Variants in DOCK8 observed in about 807,000 individuals in gnomAD.
The protein encoded by DOCK8 is dedicator of cytokinesis 8.
A neutral mutation model predicts 245.6 loss-of-function variants in DOCK8; 141 were observed. That is an observed-to-expected ratio of 0.57 (90% CI 0.50 to 0.66). The LOEUF is 0.66. DOCK8 is among the 30% of genes least tolerant of loss of function. The pLI, the probability that DOCK8 is intolerant of heterozygous loss-of-function variation, is 0.00. For synonymous variants in DOCK8, 1,168 were observed against 970.2 expected (o/e 1.20, Z -3.79); for missense variants, 2,965 against 2,603.4 (o/e 1.14, Z -3.02).
chr9:409,060 A>T (rs1048962561), intron 28 of DOCK8, among the ~76,000 whole-genome samples: 8 of 152,108 alleles, frequency 5.3e-5, no homozygotes, highest in Non-Finnish European at 7.3e-5. Context: ...CTAAAACCTC[A>T]GAAAAATGTC....
chr9:299,876 G>T (rs2049451733), intron 4 of DOCK8, among the ~76,000 whole-genome samples: 2 of 151,970 alleles, frequency 1.3e-5, no homozygotes, highest in African/African-American at 2.4e-5. Flanking sequence ...AAAAAAATTA[G>T]CTGGCTGTGG....
At chr9:326,690 A>T (rs1485083914) in intron 8 of DOCK8, among the ~76,000 whole-genome samples, 2 of 152,194 alleles carry the variant, frequency 1.3e-5, no homozygotes, top group African/African-American at 4.8e-5. Context: ...GCCACTCAGA[A>T]ATACAGGCTG....
chr9:416,484 A>T (rs1255529713), intron 29 of DOCK8, among the ~76,000 whole-genome samples: 1 of 152,210 alleles, frequency 6.6e-6, no homozygotes, highest in Non-Finnish European at 1.5e-5. Context: ...AGCCTTTTAA[A>T]CCTCAAAGAC....
chr9:410,105 C>G (rs893622312), intron 28 of DOCK8, among the ~76,000 whole-genome samples: 1 of 152,074 alleles, frequency 6.6e-6, no homozygotes, highest in Non-Finnish European at 1.5e-5. Context: ...GTTCCAGATA[C>G]TCCACTATAT....
chr9:422,161 A>G (rs766919469), intron 33 of DOCK8, 26 bp downstream of exon 33: 40 of 1,594,866 alleles, frequency 2.5e-5, no homozygotes, highest in Non-Finnish European at 3.4e-5. Context: ...ACTTTCTGCT[A>G]CTTTTACCTA....
chr9:292,965 A>G (rs936935697), intron 4 of DOCK8, among the ~76,000 whole-genome samples: 3 of 152,042 alleles, frequency 2.0e-5, no homozygotes, highest in East Asian at 1.9e-4. Flanking sequence ...GGTTACCCAT[A>G]TATTTATTAT....
chr9:235,043 C>G (rs1759222425), intron 1 of DOCK8, among the ~76,000 whole-genome samples: 1 of 152,114 alleles, frequency 6.6e-6, no homozygotes. Flanking sequence ...TACCTTTGGT[C>G]TTTGATGATG....
chr9:309,571 A>T (rs1344474383), intron 5 of DOCK8, among the ~76,000 whole-genome samples: 1 of 152,168 alleles, frequency 6.6e-6, no homozygotes, highest in Non-Finnish European at 1.5e-5. Flanking sequence ...TTACAAAGAC[A>T]TTCCTAATGG....
In DOCK8 at chr9:400,901, A is replaced by T. The variant is rs1256327989; in HGVS notation, c.3234+1642A>T. Among the ~76,000 whole-genome samples the T allele has an allele frequency of 9.7e-5, 10 of 103,278 alleles. 3 individuals carry two copies. The highest frequency in any genetic ancestry group is 4.8e-4 in the East Asian group (1 of 2,080). 67.8% of individuals were successfully genotyped at this position (103,278 alleles called of 152,430 possible). ...CACCTCCACCACCACCACCTCCCCC[A>T]CTACCAACAGCTCCTTCACCATCAC... On this transcript the variant is annotated intron_variant, in intron 26 of 47. Coordinates refer to ENST00000432829, the MANE Select transcript of DOCK8 (RefSeq NM_203447.4).
At chr9:418,233 T>C in intron 30 of DOCK8, 26 bp downstream of exon 30, 1 of 1,613,838 alleles carries the variant, frequency 6.2e-7, no homozygotes, top group South Asian at 1.1e-5. Flanking sequence ...TGTGTCTGGT[T>C]GATTTTTCAT....
chr9:296,630 A>C (rs2049269444), intron 4 of DOCK8, among the ~76,000 whole-genome samples: 1 of 152,186 alleles, frequency 6.6e-6, no homozygotes, highest in South Asian at 2.1e-4. Flanking sequence ...CAGTGCATAT[A>C]ATTCAGTTAC....
intron 22 of DOCK8, among the ~76,000 whole-genome samples, chr9:383,642 G>A (rs1772522086): frequency 6.9e-6 from 1 of 145,078 alleles, no homozygotes; most frequent in Non-Finnish European, 1.5e-5. Flanking sequence ...GGAGGTTGCA[G>A]TGAGCCGAGA....
chr9:247,112 T>C (rs185692237), intron 1 of DOCK8, among the ~76,000 whole-genome samples: 1 of 152,356 alleles, frequency 6.6e-6, no homozygotes, highest in East Asian at 1.9e-4. Flanking sequence ...ACCTGAGTGT[T>C]TTCCTTCTCA....
intron 2 of DOCK8, among the ~76,000 whole-genome samples, chr9:274,001 C>T (rs1400179353): frequency 4.6e-5 from 7 of 152,134 alleles, no homozygotes; most frequent in Admixed American, 3.3e-4. Context: ...CCACCATGCC[C>T]GGCCACCAGC....
intron 24 of DOCK8, among the ~76,000 whole-genome samples, chr9:393,229 A>G (rs76010959): frequency 4.1e-4 from 62 of 152,050 alleles, no homozygotes; most frequent in Non-Finnish European, 7.6e-4. Context: ...TCCATGTGGC[A>G]TCTTAGAGCT....
chr9:242,985 A>G (rs1481742258), intron 1 of DOCK8, among the ~76,000 whole-genome samples: 2 of 152,182 alleles, frequency 1.3e-5, no homozygotes, highest in Middle Eastern at 3.2e-3. Context: ...TATGATTTTA[A>G]GAGTTTTTTC....
chr9:435,023 G>A (rs1408963264), intron 39 of DOCK8, 48 bp downstream of exon 39: 1 of 1,602,232 alleles, frequency 6.2e-7, no homozygotes, highest in East Asian at 2.2e-5. Context: ...CTCAACTGGG[G>A]CGATTTTGTC....
In DOCK8 at chr9:428,416, C is replaced by T; in HGVS notation, c.4393C>T (p.Leu1465=). 1 of 1,614,202 alleles carries T rather than the reference C, an allele frequency of 6.2e-7. No individual in the cohort carries two copies. Among genetic ancestry groups the T allele is most frequent in the Admixed American group, 1.7e-5 (1 of 60,024 alleles). ...CCTGCTGGGAGGTGTTCTGAGGGTG[C>T]TGGTGAATTCTCTGAACTGTGATCA... ...DSLLGGVLRV[L]VNSLNCDQST... Residue 1465 remains leucine, a synonymous_variant, in exon 35 of 48, where the codon CTG becomes TTG. Transcript: ENST00000432829.
At chr9:370,112 C>CTCTT in intron 15 of DOCK8, 118 bp from the exon 16 acceptor site, 1 of 902,274 alleles carries the variant, frequency 1.1e-6, no homozygotes. Context: ...CAACCCAGCA[C>CTCTT]TCTTAATTGT....
Sources: allele counts gnomAD v4.1 joint callset (sites outside exome capture counted in the v4.1 genomes callset), GRCh38; gene constraint gnomAD v4.1.1; transcripts MANE v1.5; gene names NCBI Gene and HGNC (gene_info 2026-07-23, HGNC 2026-07-21).